The following PPP3R1 variants were observed in gnomAD, a reference collection of about 807,000 sequenced individuals.
PPP3R1 encodes the protein calcineurin subunit B type 1.
PPP3R1 carries 5 observed loss-of-function variants against 22.6 expected under a neutral mutation model. The ratio of observed to expected loss-of-function variants is 0.22; its 90% confidence interval spans 0.12 to 0.46. The LOEUF (loss-of-function observed/expected upper bound fraction) is 0.46, where lower values mean the gene tolerates loss of function less well. PPP3R1 is among the 20% of genes least tolerant of loss of function. PPP3R1 has a pLI of 0.99. For synonymous variants in PPP3R1, 56 were observed against 65.2 expected (o/e 0.86, Z 0.68); for missense variants, 61 against 203.2 (o/e 0.30, Z 4.25).
At chr2:68,185,185 C>G (rs2103716948) in intron 5 of PPP3R1, among the ~76,000 whole-genome samples, 1 of 149,766 alleles carries the variant, frequency 6.7e-6, no homozygotes, top group Admixed American at 6.7e-5. Context: ...TGCCATTTCA[C>G]TCCAGCCTGG....
At chr2:68,228,041 CAGAG>C (rs1669820343) in intron 1 of PPP3R1, among the ~76,000 whole-genome samples, 1 of 152,154 alleles carries the variant, frequency 6.6e-6, no homozygotes, top group African/African-American at 2.4e-5. Context: ...ACAGATCTTA[CAGAG>C]AAAGTACTGT....
intron 1 of PPP3R1, among the ~76,000 whole-genome samples, chr2:68,250,274 G>T (rs538273118): frequency 1.3e-5 from 2 of 152,154 alleles, no homozygotes; most frequent in East Asian, 1.9e-4. Context: ...TATTTTAAAA[G>T]ACAAGAAAAC....
At chr2:68,242,303 C>A (rs908291829) in intron 1 of PPP3R1, among the ~76,000 whole-genome samples, 2 of 151,732 alleles carry the variant, frequency 1.3e-5, no homozygotes, top group Admixed American at 1.3e-4. Flanking sequence ...GGTGCGCACC[C>A]GCAATCACAG....
intron 1 of PPP3R1, among the ~76,000 whole-genome samples, chr2:68,220,713 AATGG>A (rs1669672711): frequency 6.6e-6 from 1 of 152,256 alleles, no homozygotes; most frequent in Non-Finnish European, 1.5e-5. Context: ...GACGCTATAA[AATGG>A]ATGAACTTCA....
intron 5 of PPP3R1, among the ~76,000 whole-genome samples, chr2:68,182,881 C>A (rs1674444751): frequency 6.6e-6 from 1 of 152,278 alleles, no homozygotes; most frequent in South Asian, 2.1e-4. Context: ...TATAATTCAA[C>A]CCCTAACTTT....
intron 2 of PPP3R1, among the ~76,000 whole-genome samples, chr2:68,214,620 T>C (rs1669544504): frequency 6.6e-6 from 1 of 152,004 alleles, no homozygotes; most frequent in African/African-American, 2.4e-5. Context: ...TACTAAAACA[T>C]CTAAAAATAA....
intron 1 of PPP3R1, among the ~76,000 whole-genome samples, chr2:68,243,736 T>C (rs533967024): frequency 6.6e-4 from 100 of 152,304 alleles, no homozygotes; most frequent in Admixed American, 1.9e-3. Flanking sequence ...TTCTGACTCA[T>C]TGTTTACATT....
intron 4 of PPP3R1, among the ~76,000 whole-genome samples, chr2:68,186,942 G>A (rs574926236): frequency 4.6e-5 from 7 of 152,142 alleles, no homozygotes; most frequent in African/African-American, 1.2e-4. Flanking sequence ...CAACCTCTCC[G>A]GTTCTTTAGA....
intron 1 of PPP3R1, among the ~76,000 whole-genome samples, chr2:68,234,929 GA>G (rs1156652469): frequency 2.0e-5 from 3 of 152,182 alleles, no homozygotes; most frequent in Non-Finnish European, 4.4e-5. Flanking sequence ...GGAAATAGCT[GA>G]AGTAGAGAGA....
chr2:68,247,069 C>T (rs544982602), intron 1 of PPP3R1, among the ~76,000 whole-genome samples: 39 of 150,402 alleles, frequency 2.6e-4, no homozygotes, highest in Non-Finnish European at 2.1e-4. Context: ...CATCCTCCCA[C>T]CTCTGCCTCC....
chr2:68,207,791 A>G (rs1335613315), intron 2 of PPP3R1, among the ~76,000 whole-genome samples: 2 of 152,244 alleles, frequency 1.3e-5, no homozygotes, highest in Non-Finnish European at 2.9e-5. Context: ...AATTCACGTC[A>G]CATGCTCAAA....
chr2:68,249,593 C>T (rs904169912), intron 1 of PPP3R1, among the ~76,000 whole-genome samples: 2 of 151,934 alleles, frequency 1.3e-5, no homozygotes, highest in African/African-American at 4.8e-5. Context: ...TATAAAACAC[C>T]TCGTTCAGGG....
intron 2 of PPP3R1, among the ~76,000 whole-genome samples, chr2:68,190,801 G>A (rs1443242606): frequency 6.6e-6 from 1 of 152,080 alleles, no homozygotes; most frequent in Non-Finnish European, 1.5e-5. Flanking sequence ...GCATACATTG[G>A]CTCACTACTG....
chr2:68,248,183 T>C (rs1223935580), intron 1 of PPP3R1, among the ~76,000 whole-genome samples: 1 of 152,194 alleles, frequency 6.6e-6, no homozygotes, highest in African/African-American at 2.4e-5. Context: ...AAGCTCTCTA[T>C]GTGGTGTGCC....
chr2:68,180,879 C>CA lies in PPP3R1; in HGVS notation c.*83dup. Reference sequence around the variant, plus strand: ...AGAAAAATACTTCCATTTAAATACACAGAGAGCATTGCTGGACGTCTTGAG... The same window carrying CA: ...AGAAAAATACTTCCATTTAAATACACAAGAGAGCATTGCTGGACGTCTTGAG... On this transcript the variant is annotated 3_prime_UTR_variant, in exon 6 of 6. Transcript: ENST00000234310. 1.5e-6 allele frequency: 2 copies of CA among 1,356,214 alleles called. No individual in the cohort carries two copies. The highest frequency in any genetic ancestry group is 2.4e-5 in the South Asian group (2 of 81,686). 84.0% of individuals were successfully genotyped at this position (1,356,214 alleles called of 1,614,324 possible).
chr2:68,210,152 G>A (rs917482225), intron 2 of PPP3R1, among the ~76,000 whole-genome samples: 1 of 152,184 alleles, frequency 6.6e-6, no homozygotes. Context: ...CAGAATGGTT[G>A]TGGCAGTTCC....
intron 1 of PPP3R1, among the ~76,000 whole-genome samples, chr2:68,243,329 T>C (rs1329896282): frequency 1.3e-5 from 2 of 152,186 alleles, no homozygotes; most frequent in African/African-American, 4.8e-5. Context: ...GTCAGAATTA[T>C]ACTGTCAATT....
intron 2 of PPP3R1, among the ~76,000 whole-genome samples, chr2:68,198,091 C>CAAAAAAAAAAAAAA (rs1674835356): frequency 1.2e-4 from 6 of 49,840 alleles, no homozygotes; most frequent in African/African-American, 4.8e-4. Context: ...AAAAAAAAAG[C>CAAAAAAAAAAAAAA]ATATATATGT....
chr2:68,180,935 A>G lies in PPP3R1; in HGVS notation c.*28T>C. 6.2e-7 allele frequency: 1 copy of G among 1,600,250 alleles called. No homozygotes were observed. Among genetic ancestry groups the G allele is most frequent in the Non-Finnish European group, 8.6e-7 (1 of 1,167,856 alleles). ...CTTCAGAGATGGAGAAGAAAGCAAA[A>G]GTGTTGGGTGGTACTCTCTGATAAG... On this transcript the variant is annotated 3_prime_UTR_variant, in exon 6 of 6. Coordinates refer to ENST00000234310, the MANE Select transcript of PPP3R1 (RefSeq NM_000945.4).
Sources: gnomAD v4.1 joint callset for allele counts (sites outside exome capture counted in the v4.1 genomes callset) on GRCh38, gnomAD v4.1.1 for gene constraint, MANE v1.5 for transcripts, NCBI Gene and HGNC (gene_info 2026-07-23, HGNC 2026-07-21) for gene names.